ZFP14: variants seen among roughly 807,000 people sequenced by gnomAD.
ZFP14 encodes zinc finger protein 14 homolog.
A neutral mutation model predicts 54.5 loss-of-function variants in ZFP14; 22 were observed. The ratio of observed to expected loss-of-function variants is 0.40; its 90% confidence interval spans 0.29 to 0.58. ZFP14 has a LOEUF of 0.58. Ranked by LOEUF, ZFP14 falls within the 20% of genes least tolerant of loss-of-function variation. The pLI, the probability that ZFP14 is intolerant of heterozygous loss-of-function variation, is 0.39. For missense variants in ZFP14, 470 were observed against 637.8 expected (o/e 0.74, Z 2.83); for synonymous variants, 159 against 204.0 (o/e 0.78, Z 1.88).
chr19:36,354,605 T>C (rs904507914), intron 4 of ZFP14, among the ~76,000 whole-genome samples: 2 of 142,436 alleles, frequency 1.4e-5, no homozygotes, highest in African/African-American at 5.1e-5. Context: ...GATATTCATA[T>C]GGCCTGGGCT....
rs2031325393 is a variant in ZFP14 at position 36,341,980 on chromosome 19, T to C, written c.236-390A>G. 6.6e-6 allele frequency among the ~76,000 whole-genome samples: 1 copy of C among 151,774 alleles called. No individual in the cohort carries two copies. Among genetic ancestry groups the C allele is most frequent in the African/African-American group, 2.4e-5 (1 of 41,278 alleles). The stretch of plus-strand genomic sequence containing the variant: ...CATTCTCCTGCCTCAGCCTCCCAAG[T>C]AGCTGGGACTACCGGCACCTGCCAC... On this transcript the variant is annotated intron_variant, in intron 4 of 4. Transcript: ENST00000270001. This position sits in a 1 kb window ranked among gnomAD's most constrained non-coding sequence, Gnocchi z 4.2.
At chr19:36,371,417 G>A (rs989503388) in intron 1 of ZFP14, among the ~76,000 whole-genome samples, 4 of 152,096 alleles carry the variant, frequency 2.6e-5, no homozygotes, top group African/African-American at 9.7e-5. Flanking sequence ...AAATTCTGGA[G>A]CTGAAAAATA....
chr19:36,343,633 GTAT>G (rs991050650), intron 4 of ZFP14, among the ~76,000 whole-genome samples: 1 of 152,162 alleles, frequency 6.6e-6, no homozygotes, highest in Non-Finnish European at 1.5e-5. Context: ...GAAAAGGAAT[GTAT>G]TATTATTATT....
At chr19:36,360,946 A>G (rs1455930777) in intron 3 of ZFP14, among the ~76,000 whole-genome samples, 1 of 152,226 alleles carries the variant, frequency 6.6e-6, no homozygotes, top group Non-Finnish European at 1.5e-5. Flanking sequence ...TGAAGATAAT[A>G]ATATCTTCTC....
chr19:36,349,219 G>C (rs1225681510), intron 4 of ZFP14, among the ~76,000 whole-genome samples: 36 of 99,964 alleles, frequency 3.6e-4, no homozygotes, highest in African/African-American at 1.3e-3. Flanking sequence ...CTATAAGAGG[G>C]GAACTCTGTC....
intron 1 of ZFP14, among the ~76,000 whole-genome samples, chr19:36,374,778 G>A (rs370353404): frequency 6.6e-6 from 1 of 152,122 alleles, no homozygotes; most frequent in Non-Finnish European, 1.5e-5. Context: ...CAGTTAAAAT[G>A]TTTACAGTCA....
chr19:36,377,377 T>C (rs1222889771), intron 1 of ZFP14, among the ~76,000 whole-genome samples: 1 of 151,958 alleles, frequency 6.6e-6, no homozygotes, highest in Non-Finnish European at 1.5e-5. Context: ...TAAGGAGACC[T>C]CATTTCTACA....
rs1296824936 is a variant in ZFP14, at chr19:36,340,980, T to C, written c.846A>G (p.Lys282=). ...TTCCACAGTCCTTACATTCATAGGG[T>C]TTCTCACCAGTGTGAATTCTCTGAT... ...ARHQRIHTGE[K]PYECKDCGKT... Residue 282 remains lysine (K), a synonymous_variant, in exon 5 of 5, where the codon AAA becomes AAG. Coordinates refer to ENST00000270001, the MANE Select transcript of ZFP14 (RefSeq NM_020917.3). The surrounding 1 kb of genome is among the most constrained non-coding windows in gnomAD (Gnocchi z 5.4). 5.6e-6 allele frequency: 9 copies of C among 1,614,184 alleles called. No individual in the cohort carries two copies. Among genetic ancestry groups the C allele is most frequent in the Non-Finnish European group, 6.8e-6 (8 of 1,180,030 alleles).
chr19:36,365,691 G>T (rs1045841875), intron 2 of ZFP14, among the ~76,000 whole-genome samples: 4 of 152,082 alleles, frequency 2.6e-5, no homozygotes, highest in African/African-American at 9.7e-5. Flanking sequence ...AGGTGCGGTG[G>T]ATCACACCTA....
intron 2 of ZFP14, among the ~76,000 whole-genome samples, chr19:36,363,718 A>C (rs1453064764): frequency 6.6e-6 from 1 of 151,710 alleles, no homozygotes; most frequent in Non-Finnish European, 1.5e-5. Context: ...GGCCAGGTGC[A>C]GTGGCTCAAG....
intron 1 of ZFP14, among the ~76,000 whole-genome samples, chr19:36,376,750 A>G (rs2031968803): frequency 6.6e-6 from 1 of 152,214 alleles, no homozygotes; most frequent in South Asian, 2.1e-4. Flanking sequence ...GCCAAGCATT[A>G]GCTAAGGGTT....
chr19:36,352,485 C>G lies in ZFP14; in HGVS notation c.235+7950G>C, dbSNP rs558482971. Among the ~76,000 whole-genome samples, 95 of 142,856 alleles carry G rather than the reference C, an allele frequency of 6.7e-4. 16 individuals are homozygous for G. Among genetic ancestry groups the G allele is most frequent in the Non-Finnish European group, 1.3e-3 (83 of 64,364 alleles). 93.7% of individuals were successfully genotyped at this position (142,856 alleles called of 152,430 possible). On this transcript the variant is annotated intron_variant, in intron 4 of 4. Transcript: ENST00000270001. ...TAAGAAAATTAATGAAATGTAGATG[C>G]ATAAAATACATCAATTAATAGACAA... is the stretch of plus-strand genomic sequence containing the variant.
intron 2 of ZFP14, among the ~76,000 whole-genome samples, chr19:36,363,795 A>C (rs2145557598): frequency 6.6e-6 from 1 of 151,952 alleles, no homozygotes; most frequent in East Asian, 2.0e-4. Flanking sequence ...TTTGAGACCA[A>C]CCTTGTCAAC....
At chr19:36,348,054 A>C (rs180679875) in intron 4 of ZFP14, among the ~76,000 whole-genome samples, 4 of 152,240 alleles carry the variant, frequency 2.6e-5, no homozygotes, top group Admixed American at 6.5e-5. Flanking sequence ...TGAGAAAAAA[A>C]AAAGTCTTCT....
In ZFP14 at chr19:36,338,810, G is replaced by C. The variant is rs1421529986; in HGVS notation, c.*1414C>G. 1 of 152,154 alleles carries C rather than the reference G, an allele frequency of 6.6e-6. No homozygotes were observed. Among genetic ancestry groups the C allele is most frequent in the East Asian group, 1.9e-4 (1 of 5,200 alleles). The allele number at this position is 152,154 out of a possible 1,614,324, so 9.4% of individuals were successfully genotyped here. ...GCATCCAAAAGTATACTGACTTATA[G>C]AATGATGTTTTGTTTCTTTCCCACA... On this transcript the variant is annotated 3_prime_UTR_variant, in exon 5 of 5. Coordinates refer to ENST00000270001, the MANE Select transcript of ZFP14 (RefSeq NM_020917.3).
Position 36,337,675 on chromosome 19 carries a change from C to T in ZFP14, c.*2549G>A, listed in dbSNP as rs2031230205. 1 of 141,530 alleles carries T rather than the reference C, an allele frequency of 7.1e-6. No individual in the cohort carries two copies. 8.8% of individuals were successfully genotyped at this position (141,530 alleles called of 1,614,324 possible). A position where few individuals can be genotyped will look rare whatever the true frequency, so the allele number is the denominator to read the frequency against. ...TGACCATATACTGTTCATCTAGTCC[C>T]TGTCTGCTTTCAGTTCATTATTCCA... is the stretch of plus-strand genomic sequence containing the variant. On this transcript the variant is annotated 3_prime_UTR_variant, in exon 5 of 5. Coordinates refer to ENST00000270001, the MANE Select transcript of ZFP14 (RefSeq NM_020917.3).
intron 4 of ZFP14, among the ~76,000 whole-genome samples, chr19:36,352,931 ACT>A (rs139917693): frequency 0.046 from 5,716 of 125,376 alleles, 851 homozygotes; most frequent in African/African-American, 0.16. Flanking sequence ...ACAGAGCGAG[ACT>A]CTGTCTCAAA....
intron 2 of ZFP14, among the ~76,000 whole-genome samples, chr19:36,366,806 AT>A (rs1022239955): frequency 2.6e-5 from 4 of 152,098 alleles, no homozygotes; most frequent in African/African-American, 4.8e-5. Flanking sequence ...TGGTTTGTAT[AT>A]TTTTTTGTAT....
Position 36,340,531 on chromosome 19 carries a change from G to C in ZFP14, c.1295C>G (p.Ala432Gly). 2 of 1,614,126 alleles carry C rather than the reference G, an allele frequency of 1.2e-6. No homozygotes were observed. Among genetic ancestry groups the C allele is most frequent in the Non-Finnish European group, 1.7e-6 (2 of 1,180,022 alleles). The part of the protein sequence containing the change: ...RPYECEECGK[A>G]FRLLSQLTQH... ...AGTAAGTTGTGAGAGCAGTCTAAAG[G>C]CCTTTCCACACTCTTCACATTCATA... is the stretch of plus-strand genomic sequence containing the variant. Residue 432 changes from alanine (A) to glycine (G), a missense_variant, in exon 5 of 5, where the codon GCC becomes GGC. Ala to Gly is a moderately conservative substitution (Grantham distance 60). Transcript: ENST00000270001. The surrounding 1 kb of genome is among the most constrained non-coding windows in gnomAD (Gnocchi z 5.4).
Sources: gnomAD v4.1 joint callset for allele counts (sites outside exome capture counted in the v4.1 genomes callset) on GRCh38, gnomAD v4.1.1 for gene constraint, Gnocchi (gnomAD v3.1) non-coding constraint, MANE v1.5 for transcripts, NCBI Gene and HGNC (gene_info 2026-07-23, HGNC 2026-07-21) for gene names.